The following SLCO3A1 variants were observed in gnomAD, a reference collection of about 807,000 sequenced individuals.
SLCO3A1 encodes PGE1 transporter.
Under a neutral mutation model 63.1 loss-of-function variants are expected in SLCO3A1, and 27 were observed. That is an observed-to-expected ratio of 0.43 (90% CI 0.32 to 0.59). The LOEUF (loss-of-function observed/expected upper bound fraction) is 0.59, where lower values mean the gene tolerates loss of function less well. Among genes scored for constraint, SLCO3A1 ranks in the 20% least tolerant of loss-of-function variants. The probability of loss-of-function intolerance (pLI) is 0.09; values close to 1 mark genes in which losing one functional copy is unlikely to be tolerated. For missense variants in SLCO3A1, 773 were observed against 945.8 expected (o/e 0.82, Z 2.40); for synonymous variants, 473 against 409.9 (o/e 1.15, Z -1.86).
intron 2 of SLCO3A1, among the ~76,000 whole-genome samples, chr15:91,970,456 C>T (rs562481586): frequency 6.6e-6 from 1 of 152,272 alleles, no homozygotes; most frequent in African/African-American, 2.4e-5. Context: ...GGAGTCCTCT[C>T]CTTTCTCTGT....
intron 2 of SLCO3A1, among the ~76,000 whole-genome samples, chr15:92,041,516 A>G (rs898852992): frequency 1.3e-5 from 2 of 152,216 alleles, no homozygotes; most frequent in Admixed American, 6.5e-5. Flanking sequence ...AGGGAAAGCA[A>G]TGGTAGACTA....
At chr15:92,011,471 T>C (rs1053597524) in intron 2 of SLCO3A1, among the ~76,000 whole-genome samples, 3 of 151,138 alleles carry the variant, frequency 2.0e-5, no homozygotes, top group Non-Finnish European at 4.4e-5. Context: ...AATTATTATA[T>C]ATCAGTTTTA....
intron 2 of SLCO3A1, among the ~76,000 whole-genome samples, chr15:92,015,346 C>T (rs887895155): frequency 6.6e-6 from 1 of 152,076 alleles, no homozygotes; most frequent in Non-Finnish European, 1.5e-5. Flanking sequence ...CTTCAGGAAA[C>T]TTACAATCAT....
chr15:92,042,746 A>G (rs2046815055), intron 2 of SLCO3A1, among the ~76,000 whole-genome samples: 1 of 152,164 alleles, frequency 6.6e-6, no homozygotes, highest in Non-Finnish European at 1.5e-5. Context: ...AGTGTGTGCT[A>G]AGATGTGAAA....
At chr15:92,113,329 T>C (rs2047752601) in intron 4 of SLCO3A1, among the ~76,000 whole-genome samples, 1 of 152,038 alleles carries the variant, frequency 6.6e-6, no homozygotes, top group Non-Finnish European at 1.5e-5. Context: ...ACTTTTTCTC[T>C]TGGGCCTTCT....
intron 2 of SLCO3A1, among the ~76,000 whole-genome samples, chr15:92,018,167 C>T (rs774340764): frequency 2.0e-5 from 3 of 152,144 alleles, no homozygotes; most frequent in East Asian, 1.9e-4. Context: ...GGGGCGGTGA[C>T]GGGGCTGGCA....
intron 2 of SLCO3A1, among the ~76,000 whole-genome samples, chr15:91,957,886 T>C (rs1224217820): frequency 6.6e-6 from 1 of 152,160 alleles, no homozygotes; most frequent in African/African-American, 2.4e-5. Flanking sequence ...ATATTCCCAG[T>C]GCATAAAGCA....
chr15:91,896,566 G>A (rs557470334), intron 1 of SLCO3A1, among the ~76,000 whole-genome samples: 1 of 152,306 alleles, frequency 6.6e-6, no homozygotes, highest in South Asian at 2.1e-4. Flanking sequence ...TAAGTCTCAT[G>A]AGATCTGATG....
rs2048472847 is a variant in SLCO3A1, at chr15:92,164,069, C to G, written c.*934C>G. The G allele has an allele frequency of 1.0e-6, 1 of 981,964 alleles. No homozygotes were observed. The highest frequency in any genetic ancestry group is 1.2e-6 in the Non-Finnish European group (1 of 826,756). The allele number at this position is 981,964 out of a possible 1,614,324, so 60.8% of individuals were successfully genotyped here. A position where few individuals can be genotyped will look rare whatever the true frequency, so the allele number is the denominator to read the frequency against. ...AAATACAATCCATATGAATTTCAAACTGTTGTATGTATAATCCTCTAATAC... is the reference window on the plus strand; with the variant it reads ...AAATACAATCCATATGAATTTCAAAGTGTTGTATGTATAATCCTCTAATAC... On this transcript the variant is annotated 3_prime_UTR_variant, in exon 10 of 10. Coordinates refer to ENST00000318445, the MANE Select transcript of SLCO3A1 (RefSeq NM_013272.4).
chr15:92,010,238 C>T (rs766143568), intron 2 of SLCO3A1, among the ~76,000 whole-genome samples: 2 of 152,202 alleles, frequency 1.3e-5, no homozygotes, highest in Non-Finnish European at 2.9e-5. Context: ...TTCAGTGTTT[C>T]TCTAAAGTGT....
chr15:92,050,954 G>C (rs1223386986), intron 2 of SLCO3A1, among the ~76,000 whole-genome samples: 1 of 152,124 alleles, frequency 6.6e-6, no homozygotes, highest in Non-Finnish European at 1.5e-5. Context: ...TCAGCCTTCA[G>C]ACATAGTCTT....
At chr15:92,125,954 G>A (rs8033892) in intron 5 of SLCO3A1, 107 bp from the exon 6 acceptor site, 164,970 of 871,516 alleles carry the variant, frequency 0.19, 28,074 homozygotes, top group East Asian at 0.64. Flanking sequence ...CACCACAGTG[G>A]GGTCATAGGG....
At chr15:91,953,214 A>T (rs550070244) in intron 2 of SLCO3A1, among the ~76,000 whole-genome samples, 2 of 152,230 alleles carry the variant, frequency 1.3e-5, no homozygotes, top group African/African-American at 4.8e-5. Context: ...CTTAGAAAGC[A>T]TCATTCACTG....
At chr15:92,021,557 C>T (rs1173007579) in intron 2 of SLCO3A1, among the ~76,000 whole-genome samples, 1 of 152,118 alleles carries the variant, frequency 6.6e-6, no homozygotes, top group Non-Finnish European at 1.5e-5. Flanking sequence ...TTCCTCCATC[C>T]GAGAACTTCC....
intron 4 of SLCO3A1, among the ~76,000 whole-genome samples, chr15:92,113,574 C>T (rs979403531): frequency 1.1e-4 from 16 of 152,186 alleles, no homozygotes; most frequent in African/African-American, 3.6e-4. Flanking sequence ...CTCAAACTTG[C>T]AAAGAGAAGG....
chr15:91,985,547 T>C (rs1333805566), intron 2 of SLCO3A1, among the ~76,000 whole-genome samples: 1 of 152,216 alleles, frequency 6.6e-6, no homozygotes, highest in African/African-American at 2.4e-5. Context: ...AAAGTGTCAG[T>C]GTACGTTTCC....
intron 2 of SLCO3A1, among the ~76,000 whole-genome samples, chr15:92,050,286 C>T (rs1010385725): frequency 1.3e-5 from 2 of 152,144 alleles, no homozygotes; most frequent in Non-Finnish European, 2.9e-5. Flanking sequence ...CTTGAGGAGT[C>T]GCCAGCCACA....
chr15:92,047,905 C>T (rs987252223), intron 2 of SLCO3A1, among the ~76,000 whole-genome samples: 6 of 151,658 alleles, frequency 4.0e-5, no homozygotes, highest in Middle Eastern at 3.4e-3. Context: ...GGCAATGTAC[C>T]GGGCACTTCA....
chr15:92,013,584 C>T (rs556677106), intron 2 of SLCO3A1, among the ~76,000 whole-genome samples: 2 of 152,218 alleles, frequency 1.3e-5, no homozygotes, highest in African/African-American at 4.8e-5. Context: ...CACTTCTCAG[C>T]TGATGACTTA....
Sources: gnomAD v4.1 joint callset for allele counts (sites outside exome capture counted in the v4.1 genomes callset) on GRCh38, gnomAD v4.1.1 for gene constraint, MANE v1.5 for transcripts, NCBI Gene and HGNC (gene_info 2026-07-23, HGNC 2026-07-21) for gene names.